The following MDGA2 variants were observed in gnomAD, a reference collection of about 807,000 sequenced individuals.
MDGA2 encodes MAM domain-containing glycosylphosphatidylinositol anchor protein 2.
Under a neutral mutation model 117.8 loss-of-function variants are expected in MDGA2, and 40 were observed. That is an observed-to-expected ratio of 0.34 (90% CI 0.26 to 0.44). The LOEUF is 0.44. Ranked by LOEUF, MDGA2 falls within the 20% of genes least tolerant of loss-of-function variation. MDGA2 has a pLI of 1.00. For missense variants in MDGA2, 1,123 were observed against 1,250.6 expected, an observed-to-expected ratio of 0.90 and a Z score of 1.54; for synonymous variants, 452 against 439.0, an observed-to-expected ratio of 1.03 and a Z score of -0.37.
At chr14:47,488,782 A>G (rs879769232) in intron 1 of MDGA2, among the ~76,000 whole-genome samples, 6 of 152,186 alleles carry the variant, frequency 3.9e-5, no homozygotes, top group South Asian at 2.1e-4. Context: ...ATAATTCATA[A>G]CACTCTGCAC....
chr14:47,052,560 A>G (rs1594569282), intron 7 of MDGA2, among the ~76,000 whole-genome samples: 1 of 151,948 alleles, frequency 6.6e-6, no homozygotes, highest in Non-Finnish European at 1.5e-5. Flanking sequence ...TTTAATGTTT[A>G]CTGAACAATT....
intron 1 of MDGA2, among the ~76,000 whole-genome samples, chr14:47,355,487 G>A (rs376313912): frequency 5.3e-5 from 8 of 152,196 alleles, no homozygotes; most frequent in South Asian, 2.1e-4. Context: ...AGGGATAAGA[G>A]AAATGGGATG....
At chr14:47,093,335 T>C (rs1183693181) in intron 6 of MDGA2, among the ~76,000 whole-genome samples, 1 of 152,136 alleles carries the variant, frequency 6.6e-6, no homozygotes, top group African/African-American at 2.4e-5. Context: ...TACAGTAATG[T>C]CTTGGTATTT....
At chr14:47,496,715 A>G (rs944148925) in intron 1 of MDGA2, among the ~76,000 whole-genome samples, 1 of 150,762 alleles carries the variant, frequency 6.6e-6, no homozygotes, top group Non-Finnish European at 1.5e-5. Context: ...ATTACTGAGC[A>G]TACATATATG....
intron 7 of MDGA2, among the ~76,000 whole-genome samples, chr14:47,036,392 A>C (rs1244590868): frequency 6.6e-6 from 1 of 152,172 alleles, no homozygotes; most frequent in Non-Finnish European, 1.5e-5. Context: ...ATTGTGCTGA[A>C]ATATATTTAT....
intron 6 of MDGA2, among the ~76,000 whole-genome samples, chr14:47,087,061 C>A (rs1027496810): frequency 1.3e-4 from 20 of 152,050 alleles, no homozygotes; most frequent in Admixed American, 2.0e-4. Context: ...GGTTTAATAT[C>A]CTGATGTAAA....
At chr14:47,588,338 GT>G (rs1233180196) in intron 1 of MDGA2, among the ~76,000 whole-genome samples, 2 of 149,378 alleles carry the variant, frequency 1.3e-5, no homozygotes, top group African/African-American at 2.5e-5. Flanking sequence ...AAAAACCACT[GT>G]TTTCCAAAAT....
Position 47,443,444 on chromosome 14 carries a change from G to C in MDGA2, c.281-141894C>G, listed in dbSNP as rs141914839. Among the ~76,000 whole-genome samples, 551 of 152,120 alleles carry C rather than the reference G, an allele frequency of 3.6e-3. 2 individuals are homozygous for C. The highest frequency in any genetic ancestry group is 5.8e-3 in the Non-Finnish European group (393 of 67,992). ...ACTATATGACACTAGGAGAGCTCTA[G>C]CTTCAAAACAGATGAGAAATGGTAA... is the stretch of plus-strand genomic sequence containing the variant. On this transcript the variant is annotated intron_variant, in intron 1 of 16. Transcript: ENST00000399232.
chr14:47,201,198 C>T (rs1594718456), intron 3 of MDGA2: 2 of 579,492 alleles, frequency 3.5e-6, no homozygotes, highest in South Asian at 1.6e-5. Context: ...ACATTTTTCA[C>T]GTGGTTTATA....
At chr14:47,396,800 G>T (rs932033971) in intron 1 of MDGA2, among the ~76,000 whole-genome samples, 1 of 152,182 alleles carries the variant, frequency 6.6e-6, no homozygotes, top group South Asian at 2.1e-4. Context: ...ATCTCATGCC[G>T]GTTAGAATGG....
At chr14:47,536,768 C>T (rs1778400560) in intron 1 of MDGA2, among the ~76,000 whole-genome samples, 1 of 152,190 alleles carries the variant, frequency 6.6e-6, no homozygotes, top group Non-Finnish European at 1.5e-5. Flanking sequence ...ACCATTTCCC[C>T]TTTGCCCTGA....
intron 9 of MDGA2, among the ~76,000 whole-genome samples, chr14:46,939,257 G>A (rs1002709307): frequency 3.9e-5 from 6 of 152,024 alleles, no homozygotes; most frequent in East Asian, 1.9e-4. Flanking sequence ...GCTAGTAGAC[G>A]GGATATTGAA....
intron 1 of MDGA2, among the ~76,000 whole-genome samples, chr14:47,528,872 G>C: frequency 6.6e-6 from 1 of 151,738 alleles, no homozygotes; most frequent in Non-Finnish European, 1.5e-5. Flanking sequence ...ACTACACCAA[G>C]AAAATAATCT....
intron 9 of MDGA2, among the ~76,000 whole-genome samples, chr14:46,920,857 T>C (rs1884100437): frequency 6.6e-6 from 1 of 152,216 alleles, no homozygotes; most frequent in Non-Finnish European, 1.5e-5. Flanking sequence ...GCAGCTTTCA[T>C]CAATAAAGTG....
At chr14:47,119,837 T>G (rs1881556629) in intron 5 of MDGA2, among the ~76,000 whole-genome samples, 2 of 152,188 alleles carry the variant, frequency 1.3e-5, no homozygotes, top group East Asian at 3.9e-4. Flanking sequence ...TCCAATAGCT[T>G]TGTTTATATC....
At chr14:47,410,985 T>G (rs1374618921) in intron 1 of MDGA2, among the ~76,000 whole-genome samples, 1 of 152,180 alleles carries the variant, frequency 6.6e-6, no homozygotes, top group Non-Finnish European at 1.5e-5. Flanking sequence ...CTGGATTGAA[T>G]CTGTGTCTTC....
intron 3 of MDGA2, among the ~76,000 whole-genome samples, chr14:47,195,900 A>G (rs1413152182): frequency 1.3e-5 from 2 of 152,066 alleles, no homozygotes; most frequent in Admixed American, 1.3e-4. Context: ...AAAATGCAGC[A>G]AATTATGATT....
intron 8 of MDGA2, among the ~76,000 whole-genome samples, chr14:47,008,792 G>T (rs1863687023): frequency 6.6e-6 from 1 of 151,800 alleles, no homozygotes; most frequent in Admixed American, 6.6e-5. Context: ...CATTCTATCA[G>T]ATCTCACACT....
At chr14:47,464,609 G>C (rs1403038395) in intron 1 of MDGA2, among the ~76,000 whole-genome samples, 1 of 151,780 alleles carries the variant, frequency 6.6e-6, no homozygotes, top group Non-Finnish European at 1.5e-5. Flanking sequence ...AAGTACTCAA[G>C]AACACAGCTA....
Sources: allele counts gnomAD v4.1 joint callset (sites outside exome capture counted in the v4.1 genomes callset), GRCh38; gene constraint gnomAD v4.1.1; transcripts MANE v1.5; gene names NCBI Gene and HGNC (gene_info 2026-07-23, HGNC 2026-07-21).